RIMS2: variants seen among roughly 807,000 people sequenced by gnomAD.
RIMS2 encodes the protein regulating synaptic membrane exocytosis 2.
Under a neutral mutation model 174.4 loss-of-function variants are expected in RIMS2, and 59 were observed. The ratio of observed to expected loss-of-function variants is 0.34; its 90% CI spans 0.27 to 0.42. The LOEUF (loss-of-function observed/expected upper bound fraction) is 0.42, where lower values mean the gene tolerates loss of function less well. Ranked by LOEUF, RIMS2 falls within the 10% of genes least tolerant of loss-of-function variation. The probability of loss-of-function intolerance (pLI) is 1.00; values close to 1 mark genes in which losing one functional copy is unlikely to be tolerated. For synonymous variants in RIMS2, 606 were observed against 572.5 expected, an observed-to-expected ratio of 1.06 and a Z score of -0.84; for missense variants, 1,620 against 1,666.3, an observed-to-expected ratio of 0.97 and a Z score of 0.48.
intron 19 of RIMS2, among the ~76,000 whole-genome samples, chr8:104,018,062 G>A (rs965667705): frequency 6.6e-6 from 1 of 152,124 alleles, no homozygotes; most frequent in African/African-American, 2.4e-5. Flanking sequence ...GTGACAGTGA[G>A]ACTCCGTTTC....
chr8:104,198,173 TA>T (rs1479173453), intron 19 of RIMS2, among the ~76,000 whole-genome samples: 1 of 152,088 alleles, frequency 6.6e-6, no homozygotes. Context: ...AAGTTTTTGC[TA>T]AAAAAACAAA....
At chr8:103,942,217 C>A (rs2082698858) in intron 13 of RIMS2, among the ~76,000 whole-genome samples, 2 of 152,232 alleles carry the variant, frequency 1.3e-5, no homozygotes, top group Middle Eastern at 3.4e-3. Flanking sequence ...CATCATTTAG[C>A]TCCCACTTAA....
At chr8:104,071,735 C>T (rs898911350) in intron 19 of RIMS2, among the ~76,000 whole-genome samples, 1 of 151,980 alleles carries the variant, frequency 6.6e-6, no homozygotes, top group Non-Finnish European at 1.5e-5. Flanking sequence ...CACGCCCGGC[C>T]GGGTCCCTGT....
At chr8:104,253,068 G>A (rs1254344965), downstream of RIMS2, 4 of 152,156 alleles carry the variant, frequency 2.6e-5, no homozygotes, top group African/African-American at 9.7e-5. Flanking sequence ...GTACATTAAA[G>A]TAAGTCAGCA....
chr8:104,249,051 C>T (rs1307313842), intron 21 of RIMS2, among the ~76,000 whole-genome samples: 2 of 151,494 alleles, frequency 1.3e-5, no homozygotes, highest in African/African-American at 4.9e-5. Flanking sequence ...ACCTCATCTT[C>T]CCAAGTAGCT....
intron 3 of RIMS2, among the ~76,000 whole-genome samples, chr8:103,783,267 C>CTTTTT (rs58402080): frequency 7.1e-6 from 1 of 140,984 alleles, no homozygotes; most frequent in Non-Finnish European, 1.6e-5. Flanking sequence ...TTTTTCTTTT[C>CTTTTT]TTTTTTTTTT....
intron 10 of RIMS2, among the ~76,000 whole-genome samples, chr8:103,927,557 ATATAT>A (rs1447752768): frequency 6.6e-6 from 1 of 151,576 alleles, no homozygotes; most frequent in Non-Finnish European, 1.5e-5. Context: ...ATGAGCCCAA[ATATAT>A]TATTTTATAT....
chr8:103,799,055 A>G (rs774175165), intron 3 of RIMS2, among the ~76,000 whole-genome samples: 7 of 152,070 alleles, frequency 4.6e-5, no homozygotes, highest in African/African-American at 1.2e-4. Flanking sequence ...GCCAGCCTCT[A>G]GAAGCTGGAA....
chr8:103,505,782 A>G (rs952442125), intron 1 of RIMS2, among the ~76,000 whole-genome samples: 3 of 152,274 alleles, frequency 2.0e-5, no homozygotes, highest in Admixed American at 6.5e-5. Context: ...CAATGTTTCA[A>G]TGAAAAAGAT....
chr8:103,931,435 A>G, intron 12 of RIMS2, 42 bp downstream of exon 14: 1 of 1,421,806 alleles, frequency 7.0e-7, no homozygotes, highest in Non-Finnish European at 9.6e-7. Context: ...AAAATAAATG[A>G]GAAAATGTTC....
intron 19 of RIMS2, among the ~76,000 whole-genome samples, chr8:104,081,974 T>A (rs1342122134): frequency 6.6e-6 from 1 of 151,956 alleles, no homozygotes; most frequent in Admixed American, 6.6e-5. Flanking sequence ...ATTTGAATAT[T>A]TTTTTTTCAA....
At chr8:103,959,094 A>C (rs529917866) in intron 14 of RIMS2, among the ~76,000 whole-genome samples, 2 of 152,200 alleles carry the variant, frequency 1.3e-5, no homozygotes, top group Non-Finnish European at 2.9e-5. Flanking sequence ...CCTTGTCATG[A>C]ATCTCCAGGT....
chr8:104,172,127 G>C (rs971936835), intron 19 of RIMS2, among the ~76,000 whole-genome samples: 6 of 152,160 alleles, frequency 3.9e-5, no homozygotes, highest in Non-Finnish European at 7.3e-5. Context: ...TCAGGCTTCA[G>C]GCCAATAGGG....
At chr8:103,587,803 C>G (rs543814839) in intron 1 of RIMS2, among the ~76,000 whole-genome samples, 115 of 152,064 alleles carry the variant, frequency 7.6e-4, no homozygotes, top group African/African-American at 2.6e-3. Flanking sequence ...AGCTAATATA[C>G]TGAATGAGGA....
intron 1 of RIMS2, among the ~76,000 whole-genome samples, chr8:103,560,498 C>T (rs2091417420): frequency 6.6e-6 from 1 of 152,176 alleles, no homozygotes; most frequent in South Asian, 2.1e-4. Context: ...GAAGGGAGCG[C>T]ACTCTGAAAG....
At chr8:103,860,050 A>T (rs1349866301) in intron 3 of RIMS2, among the ~76,000 whole-genome samples, 1 of 152,178 alleles carries the variant, frequency 6.6e-6, no homozygotes, top group Non-Finnish European at 1.5e-5. Context: ...AATTTTCCAT[A>T]GGTCTAATCA....
intron 19 of RIMS2, among the ~76,000 whole-genome samples, chr8:104,118,331 G>A (rs986509760): frequency 6.7e-6 from 1 of 150,270 alleles, no homozygotes; most frequent in African/African-American, 2.5e-5. Flanking sequence ...AAATTATTGG[G>A]GTTTTTTGTT....
intron 1 of RIMS2, among the ~76,000 whole-genome samples, chr8:103,649,576 C>T (rs113308264): frequency 6.6e-6 from 1 of 151,612 alleles, no homozygotes; most frequent in Non-Finnish European, 1.5e-5. Flanking sequence ...TTCAGGTACC[C>T]TAATGAGTCT....
At chr8:103,754,101 T>C (rs1015118792) in intron 2 of RIMS2, among the ~76,000 whole-genome samples, 1 of 152,224 alleles carries the variant, frequency 6.6e-6, no homozygotes, top group Non-Finnish European at 1.5e-5. Context: ...CTGCTTTAAG[T>C]GTGTCCCAGA....
Sources: gnomAD v4.1 joint callset for allele counts (sites outside exome capture counted in the v4.1 genomes callset) on GRCh38, gnomAD v4.1.1 for gene constraint, MANE v1.5 for transcripts, NCBI Gene and HGNC (gene_info 2026-07-23, HGNC 2026-07-21) for gene names.